The following SLC4A4 variants were observed in gnomAD, a reference collection of about 807,000 sequenced individuals.
SLC4A4 encodes the protein electrogenic sodium bicarbonate cotransporter 1.
SLC4A4 carries 27 observed loss-of-function variants against 111.5 expected under a neutral mutation model. The observed-to-expected ratio is 0.24, with a 90% CI of 0.18 to 0.33. SLC4A4 has a LOEUF of 0.33. Among genes scored for constraint, SLC4A4 ranks in the 10% least tolerant of loss-of-function variants. SLC4A4 has a pLI of 1.00. For missense variants in SLC4A4, 909 were observed against 1,315.5 expected (o/e 0.69, Z 4.78); for synonymous variants, 443 against 463.4 (o/e 0.96, Z 0.57).
intron 4 of SLC4A4, among the ~76,000 whole-genome samples, chr4:71,344,094 C>G (rs1030602052): frequency 6.6e-6 from 1 of 152,066 alleles, no homozygotes; most frequent in Non-Finnish European, 1.5e-5. Context: ...TACCATATAT[C>G]TTGTTATTGT....
chr4:71,274,449 A>G (rs1489699603), intron 3 of SLC4A4, among the ~76,000 whole-genome samples: 2 of 152,230 alleles, frequency 1.3e-5, no homozygotes, highest in Non-Finnish European at 2.9e-5. Flanking sequence ...CTAGGTACTG[A>G]GTTCATTCAG....
At chr4:71,513,709 C>T (rs1466402146) in intron 16 of SLC4A4, among the ~76,000 whole-genome samples, 3 of 152,062 alleles carry the variant, frequency 2.0e-5, no homozygotes, top group Non-Finnish European at 4.4e-5. Flanking sequence ...TCTTCCAGTT[C>T]TTAGAGGAAG....
At chr4:71,094,507 T>C (rs1489775193) in intron 2 of SLC4A4, among the ~76,000 whole-genome samples, 3 of 152,236 alleles carry the variant, frequency 2.0e-5, no homozygotes, top group Non-Finnish European at 2.9e-5. Flanking sequence ...TTGTAATATT[T>C]AAGGCTGCAG....
At chr4:71,560,538 A>G (rs968813207) in intron 23 of SLC4A4, among the ~76,000 whole-genome samples, 3 of 151,830 alleles carry the variant, frequency 2.0e-5, no homozygotes, top group African/African-American at 7.2e-5. Context: ...CTGATCTCAT[A>G]GATATAAAGG....
intron 3 of SLC4A4, among the ~76,000 whole-genome samples, chr4:71,256,861 A>T (rs1490668811): frequency 6.6e-6 from 1 of 152,130 alleles, no homozygotes; most frequent in Non-Finnish European, 1.5e-5. Flanking sequence ...TGTGCATGTG[A>T]TTGTCTACTC....
chr4:71,305,338 T>A (rs1725595271), intron 3 of SLC4A4, among the ~76,000 whole-genome samples: 1 of 152,226 alleles, frequency 6.6e-6, no homozygotes, highest in South Asian at 2.1e-4. Flanking sequence ...ATTTTTAGAT[T>A]GAGCTACTTA....
At chr4:71,427,422 T>G (rs965877234) in intron 7 of SLC4A4, among the ~76,000 whole-genome samples, 11 of 152,128 alleles carry the variant, frequency 7.2e-5, no homozygotes, top group African/African-American at 2.7e-4. Flanking sequence ...ACAAGTATTT[T>G]GTTTTTTAAA....
intron 1 of SLC4A4, among the ~76,000 whole-genome samples, chr4:71,063,591 A>C (rs1741439959): frequency 6.6e-6 from 1 of 152,096 alleles, no homozygotes; most frequent in Non-Finnish European, 1.5e-5. Context: ...TAATAAAGTT[A>C]TATTAGAAAA....
At chr4:71,343,409 C>T (rs749946578) in intron 4 of SLC4A4, among the ~76,000 whole-genome samples, 31 of 152,048 alleles carry the variant, frequency 2.0e-4, no homozygotes, top group Admixed American at 2.6e-4. Context: ...GGATATAATT[C>T]CTTATTTAAT....
At chr4:71,291,348 AAGTT>A (rs1004570024) in intron 3 of SLC4A4, among the ~76,000 whole-genome samples, 1 of 152,244 alleles carries the variant, frequency 6.6e-6, no homozygotes, top group Non-Finnish European at 1.5e-5. Flanking sequence ...AATTTAAAAA[AAGTT>A]AGTTATAATG....
intron 1 of SLC4A4, among the ~76,000 whole-genome samples, chr4:71,074,194 G>A (rs1311381518): frequency 6.6e-6 from 1 of 152,112 alleles, no homozygotes; most frequent in African/African-American, 2.4e-5. Context: ...TTTCTCCATA[G>A]TGATAAATAA....
chr4:71,228,742 A>G (rs572165662), intron 1 of SLC4A4, among the ~76,000 whole-genome samples: 31 of 152,310 alleles, frequency 2.0e-4, no homozygotes, highest in Middle Eastern at 3.4e-3. Context: ...TATTGAGGTA[A>G]TTGTAGATTC....
intron 1 of SLC4A4, among the ~76,000 whole-genome samples, chr4:71,208,558 A>C (rs1007850665): frequency 7.2e-5 from 11 of 151,730 alleles, no homozygotes; most frequent in African/African-American, 2.7e-4. Context: ...GTATTACACA[A>C]TTTATCACAT....
chr4:71,222,793 G>A (rs1005063302), intron 1 of SLC4A4, among the ~76,000 whole-genome samples: 5 of 152,220 alleles, frequency 3.3e-5, no homozygotes, highest in African/African-American at 1.2e-4. Flanking sequence ...CTGCTTAGTA[G>A]TGCAGCCCAC....
chr4:71,322,665 T>C (rs1447046358), intron 3 of SLC4A4, among the ~76,000 whole-genome samples: 1 of 151,934 alleles, frequency 6.6e-6, no homozygotes, highest in African/African-American at 2.4e-5. Context: ...CATGTAAACC[T>C]TATCATAGCA....
chr4:71,148,467 G>A (rs530135337), intron 2 of SLC4A4, among the ~76,000 whole-genome samples: 14 of 152,234 alleles, frequency 9.2e-5, no homozygotes, highest in South Asian at 2.1e-4. Flanking sequence ...TGTCATGGGA[G>A]TTTGTCATAC....
chr4:71,392,075 T>C (rs774133779), intron 6 of SLC4A4, among the ~76,000 whole-genome samples: 1 of 152,102 alleles, frequency 6.6e-6, no homozygotes, highest in Non-Finnish European at 1.5e-5. Context: ...AGGAACCTGT[T>C]TTCCAACACC....
chr4:71,511,589 G>A (rs963775539), intron 16 of SLC4A4, among the ~76,000 whole-genome samples: 1 of 151,860 alleles, frequency 6.6e-6, no homozygotes, highest in Non-Finnish European at 1.5e-5. Context: ...AATTTATGGG[G>A]TATGTGTGAG....
chr4:71,354,874 T>C (rs1213136637), intron 5 of SLC4A4, among the ~76,000 whole-genome samples: 3 of 152,188 alleles, frequency 2.0e-5, no homozygotes, highest in Non-Finnish European at 2.9e-5. Context: ...TGATGCTCCA[T>C]GAAGTTCCTT....
Sources: gnomAD v4.1 joint callset for allele counts (sites outside exome capture counted in the v4.1 genomes callset) on GRCh38, gnomAD v4.1.1 for gene constraint, MANE v1.5 for transcripts, NCBI Gene and HGNC (gene_info 2026-07-23, HGNC 2026-07-21) for gene names.